Variants in CWC22 observed in about 807,000 individuals in gnomAD.
CWC22 encodes pre-mRNA-splicing factor CWC22 homolog.
In CWC22, 53 loss-of-function variants were observed where a neutral mutation model predicts 117.2. That is an observed-to-expected ratio of 0.45 (90% CI 0.36 to 0.57). The LOEUF (loss-of-function observed/expected upper bound fraction) is 0.57, where lower values mean the gene tolerates loss of function less well. Among genes scored for constraint, CWC22 ranks in the 20% least tolerant of loss-of-function variants. The probability of loss-of-function intolerance (pLI) is 0.00; values close to 1 mark genes in which losing one functional copy is unlikely to be tolerated. For missense variants in CWC22, 980 were observed against 1,068.8 expected (o/e 0.92, Z 1.16); for synonymous variants, 360 against 355.6 (o/e 1.01, Z -0.14).
rs770984949 is a variant in CWC22, at chr2:179,970,510, T to C, written c.1201A>G (p.Ile401Val). The change falls in exon 11 of 20, where the codon ATT becomes GTT. Residue 401 changes from isoleucine to valine, a missense_variant. This residue lies in a region of CWC22 where 559 missense variants were observed against 602.3 expected (regional missense o/e 0.93). Transcript: ENST00000410053. Reference protein sequence around the residue: ...FMENEEKYKAIKKEILDEGDT... With the variant: ...FMENEEKYKAVKKEILDEGDT... ...ATAAAATTTTACATACCTTTCTTAA[T>C]AGCTTTGTACTTCTCTTCATTCTCC... The C allele has an allele frequency of 3.3e-6, 5 of 1,533,552 alleles. No homozygotes were observed. In the South Asian group the frequency reaches 4.9e-5, roughly 15 times the overall value. The allele number at this position is 1,533,552 out of a possible 1,614,324, so 95.0% of individuals were successfully genotyped here.
chr2:179,949,325 C>T (rs1686390015), intron 19 of CWC22, among the ~76,000 whole-genome samples: 2 of 152,024 alleles, frequency 1.3e-5, no homozygotes, highest in Non-Finnish European at 2.9e-5. Context: ...AGAAAACCTA[C>T]AAATCAACAG....
chr2:179,964,466 G>T, intron 13 of CWC22, 81 bp downstream of exon 13: 1 of 690,012 alleles, frequency 1.4e-6, no homozygotes, highest in Non-Finnish European at 2.4e-6. Context: ...TCTGTTATGA[G>T]ACCCTAAAAT....
chr2:179,950,281 C>T (rs542584051), intron 19 of CWC22, among the ~76,000 whole-genome samples: 10 of 152,148 alleles, frequency 6.6e-5, no homozygotes, highest in Admixed American at 3.3e-4. Flanking sequence ...TAAGTATCTG[C>T]GAATGAAATA....
At chr2:179,958,541 TTA>T (rs1686661472) in intron 14 of CWC22, among the ~76,000 whole-genome samples, 2 of 151,490 alleles carry the variant, frequency 1.3e-5, no homozygotes, top group South Asian at 4.2e-4. Flanking sequence ...TCTTAAAACA[TTA>T]TGTTTTTTTT....
chr2:179,965,815 A>C, intron 12 of CWC22, 63 bp downstream of exon 12: 1 of 1,227,908 alleles, frequency 8.1e-7, no homozygotes, highest in South Asian at 1.4e-5. Flanking sequence ...TTGTTTTAGA[A>C]GATTACATTA....
intron 14 of CWC22, among the ~76,000 whole-genome samples, chr2:179,956,234 C>A (rs1313009137): frequency 1.3e-5 from 2 of 151,774 alleles, no homozygotes; most frequent in Non-Finnish European, 2.9e-5. Context: ...AGGAAGGGAA[C>A]CTTGGAGAAG....
chr2:179,986,908 A>C (rs1687432906), intron 3 of CWC22, 103 bp from the exon 4 acceptor site: 1 of 559,120 alleles, frequency 1.8e-6, no homozygotes, highest in Non-Finnish European at 3.1e-6. Context: ...CTATGACTGA[A>C]CAACATCGTG....
At chr2:179,996,435 G>A (rs1193827418) in intron 1 of CWC22, among the ~76,000 whole-genome samples, 1 of 152,080 alleles carries the variant, frequency 6.6e-6, no homozygotes, top group Non-Finnish European at 1.5e-5. Flanking sequence ...CTTAACAGTA[G>A]AATGGTTAAT....
rs750870010 is a variant in CWC22 at position 179,945,169 on chromosome 2, T to C, written c.2687A>G (p.Gln896Arg). 1.9e-6 allele frequency: 3 copies of C among 1,604,952 alleles called. No individual in the cohort carries two copies. In the East Asian group the frequency reaches 6.7e-5, roughly 36 times the overall value. Residue 896 changes from glutamine to arginine, a missense_variant, in exon 20 of 20, where the codon CAG becomes CGG. Gln to Arg is a conservative substitution (Grantham distance 43). Around this residue, in one of 3 missense-constraint regions of CWC22, gnomAD observed 306 missense variants for 296.8 expected, o/e 1.03. Coordinates refer to ENST00000410053, the MANE Select transcript of CWC22 (RefSeq NM_020943.3). ...SEQSRESKKN[Q>R]DRRREKSPAK... ...TGGAGACTTTTCTCTTCGCCGGTCC[T>C]GATTTTTCTTTGATTCTCTGGATTG...
At chr2:179,973,922 C>T in intron 6 of CWC22, 120 bp from the exon 7 acceptor site, 1 of 485,602 alleles carries the variant, frequency 2.1e-6, no homozygotes, top group Non-Finnish European at 3.5e-6. Context: ...TAAATCAGAA[C>T]TAACTGGAAA....
At chr2:179,947,134 A>T (rs917134268) in intron 19 of CWC22, among the ~76,000 whole-genome samples, 8 of 152,206 alleles carry the variant, frequency 5.3e-5, no homozygotes, top group African/African-American at 1.9e-4. Context: ...GAAAGAGAAA[A>T]TATGATAGAA....
Position 179,964,610 on chromosome 2 carries a change from T to A in CWC22, c.1334A>T (p.His445Leu). 1 of 1,550,126 alleles carries A rather than the reference T, an allele frequency of 6.5e-7. No individual in the cohort carries two copies. The highest frequency in any genetic ancestry group is 8.8e-7 in the Non-Finnish European group (1 of 1,141,360). The change falls in exon 13 of 20, where the codon CAT (histidine) becomes CTT (leucine). Residue 445 changes from histidine to leucine, a missense_variant. His to Leu is a moderately conservative substitution (Grantham distance 99). Coordinates refer to ENST00000410053, the MANE Select transcript of CWC22 (RefSeq NM_020943.3). ...GACCAGGTTAATTTCTGTTTTGTCA[T>A]GAATAGTTACTTTTTGTCCTGAAAG... ...EDEEGQKVTIHDKTEINLVSF... is the reference protein window; with the variant it reads ...EDEEGQKVTILDKTEINLVSF...
chr2:179,961,695 T>C (rs1402336518), intron 13 of CWC22, among the ~76,000 whole-genome samples: 2 of 152,042 alleles, frequency 1.3e-5, no homozygotes, highest in Non-Finnish European at 1.5e-5. Flanking sequence ...ATCTACTAAG[T>C]GAAGTATCAG....
At chr2:180,006,224 T>C (rs532930410) in intron 1 of CWC22, among the ~76,000 whole-genome samples, 1 of 152,364 alleles carries the variant, frequency 6.6e-6, no homozygotes, top group East Asian at 1.9e-4. Flanking sequence ...GCATCTAGAA[T>C]AGCCTTTCTC....
Position 179,957,502 on chromosome 2 carries a change from C to G in CWC22, c.1458+1520G>C, listed in dbSNP as rs182961003. Reference sequence around the variant, plus strand: ...TGAAAACAGCCCATTGACAATATATCAATGAATGAGTCTTGCTATATTCCA... The same window carrying G: ...TGAAAACAGCCCATTGACAATATATGAATGAATGAGTCTTGCTATATTCCA... On this transcript the variant is annotated intron_variant, in intron 14 of 19. Coordinates refer to ENST00000410053, the MANE Select transcript of CWC22 (RefSeq NM_020943.3). Among the ~76,000 whole-genome samples the G allele has an allele frequency of 2.7e-4, 41 of 152,292 alleles. 1 individual carries two copies. The highest frequency in any genetic ancestry group is 8.5e-4 in the Admixed American group (13 of 15,282).
chr2:179,979,944 C>T (rs949199946), intron 5 of CWC22, among the ~76,000 whole-genome samples: 2 of 152,196 alleles, frequency 1.3e-5, no homozygotes, highest in African/African-American at 2.4e-5. Context: ...ATGGCCTTCT[C>T]TTACAGATGT....
intron 4 of CWC22, among the ~76,000 whole-genome samples, chr2:179,984,324 TG>T (rs1687360145): frequency 6.6e-6 from 1 of 152,074 alleles, no homozygotes; most frequent in Non-Finnish European, 1.5e-5. Context: ...TAACAGTATT[TG>T]GGAAAATATA....
chr2:179,946,902 T>G (rs1044231136), intron 19 of CWC22, among the ~76,000 whole-genome samples: 9 of 152,182 alleles, frequency 5.9e-5, no homozygotes, highest in Admixed American at 5.9e-4. Context: ...TGGGCTTTAT[T>G]AGAGCCACAA....
chr2:179,961,549 A>G (rs529967226), intron 13 of CWC22, among the ~76,000 whole-genome samples: 81 of 152,156 alleles, frequency 5.3e-4, no homozygotes, highest in African/African-American at 1.7e-3. Context: ...ATACAGCAAA[A>G]CCAAAAACAT....
Sources: gnomAD v4.1 joint callset for allele counts (sites outside exome capture counted in the v4.1 genomes callset) on GRCh38, gnomAD v4.1.1 for gene constraint, gnomAD v4.1.1 regional missense constraint, MANE v1.5 for transcripts, NCBI Gene and HGNC (gene_info 2026-07-23, HGNC 2026-07-21) for gene names.